EXT1: variants seen among roughly 807,000 people sequenced by gnomAD.
EXT1 encodes exostosin-1.
EXT1 carries 20 observed loss-of-function variants against 82.5 expected under a neutral mutation model. The ratio of observed to expected loss-of-function variants is 0.24; its 90% CI spans 0.17 to 0.35. The LOEUF is 0.35. Among genes scored for constraint, EXT1 ranks in the 10% least tolerant of loss-of-function variants. The pLI is 1.00. For synonymous variants in EXT1, 348 were observed against 350.8 expected, an observed-to-expected ratio of 0.99 and a Z score of 0.09; for missense variants, 757 against 936.5, an observed-to-expected ratio of 0.81 and a Z score of 2.50.
Position 118,039,557 on chromosome 8 carries a change from C to CA in EXT1, c.962+70527dup, listed in dbSNP as rs71307422. On this transcript the variant is annotated intron_variant, in intron 1 of 10. Coordinates refer to ENST00000378204, the MANE Select transcript of EXT1 (RefSeq NM_000127.3). ...CCTGGACAAGAGAGAGACTCCGTCACAAAAAAAAAAAAAAAAAAAAAAAAT... is the reference window on the plus strand; with the variant it reads ...CCTGGACAAGAGAGAGACTCCGTCACAAAAAAAAAAAAAAAAAAAAAAAAAT... 9.5e-3 allele frequency among the ~76,000 whole-genome samples: 774 copies of CA among 81,706 alleles called. 7 individuals carry two copies. Among genetic ancestry groups the CA allele is most frequent in the African/African-American group, 0.016 (369 of 22,794 alleles). The allele number at this position is 81,706 out of a possible 152,430, so 53.6% of individuals were successfully genotyped here. A position where few individuals can be genotyped will look rare whatever the true frequency, so the allele number is the denominator to read the frequency against.
intron 1 of EXT1, among the ~76,000 whole-genome samples, chr8:118,009,038 A>G (rs1815840527): frequency 6.6e-6 from 1 of 152,296 alleles, no homozygotes; most frequent in Non-Finnish European, 1.5e-5. Context: ...GAAAGTAGGT[A>G]TTAATGTGGA....
intron 1 of EXT1, among the ~76,000 whole-genome samples, chr8:117,924,198 C>T (rs1301895657): frequency 6.6e-6 from 1 of 152,210 alleles, no homozygotes; most frequent in African/African-American, 2.4e-5. Context: ...TCTGTCCCCA[C>T]TGTACTAGGG....
chr8:117,812,927 A>T lies in EXT1; in HGVS notation c.1667T>A (p.Ile556Asn). 6.2e-7 allele frequency: 1 copy of T among 1,613,906 alleles called. No homozygotes were observed. The highest frequency in any genetic ancestry group is 8.5e-7 in the Non-Finnish European group (1 of 1,179,960). ...MSSRFLPYDN[I>N]ITDAVLSLDE... Reference sequence around the variant, plus strand: ...AAGGCTGAGCACGGCGTCTGTGATGATGTTGTCGTAGGGCAGAAAACGGCT... The same window carrying T: ...AAGGCTGAGCACGGCGTCTGTGATGTTGTTGTCGTAGGGCAGAAAACGGCT... The change falls in exon 8 of 11, where the codon ATC becomes AAC. Residue 556 changes from isoleucine to asparagine, a missense_variant. Ile to Asn is a moderately radical substitution (Grantham distance 149, BLOSUM62 -3). Around this residue, in one of 4 missense-constraint regions of EXT1, gnomAD observed 207 missense variants for 224.2 expected, o/e 0.92. Coordinates refer to ENST00000378204, the MANE Select transcript of EXT1 (RefSeq NM_000127.3).
chr8:117,892,862 G>A lies in EXT1; in HGVS notation c.963-55661C>T, dbSNP rs569239360. On this transcript the variant is annotated intron_variant, in intron 1 of 10. Coordinates refer to ENST00000378204, the MANE Select transcript of EXT1 (RefSeq NM_000127.3). ...GAGAAAGAAAAGAGTCAAGGACAAC[G>A]GCAAGGTTTTGGCCTGAGGAACTCA... Among the ~76,000 whole-genome samples, 7 of 152,308 alleles carry A rather than the reference G, an allele frequency of 4.6e-5. No homozygotes were observed. In the South Asian group the frequency reaches 6.2e-4, roughly 14 times the overall value.
chr8:118,068,154 G>A (rs1216008631), intron 1 of EXT1, among the ~76,000 whole-genome samples: 2 of 152,222 alleles, frequency 1.3e-5, no homozygotes. Context: ...TGTGGCCACA[G>A]AGCTTACAGT....
chr8:117,917,782 G>C (rs1252413808), intron 1 of EXT1, among the ~76,000 whole-genome samples: 1 of 152,210 alleles, frequency 6.6e-6, no homozygotes, highest in Non-Finnish European at 1.5e-5. Flanking sequence ...CCATCCCAGA[G>C]GTAGCTGGTG....
At chr8:117,819,604 C>T in intron 6 of EXT1, 72 bp downstream of exon 6, 1 of 1,309,390 alleles carries the variant, frequency 7.6e-7, no homozygotes, top group Non-Finnish European at 1.1e-6. Flanking sequence ...CGGGGGATAA[C>T]AGGTAAGGAG....
chr8:118,022,620 G>T (rs1399407886), intron 1 of EXT1, among the ~76,000 whole-genome samples: 6 of 150,418 alleles, frequency 4.0e-5, no homozygotes, highest in Non-Finnish European at 5.9e-5. Context: ...TTACAGGCAT[G>T]AGCCACCACG....
At chr8:118,108,783 C>G (rs546286009) in intron 1 of EXT1, among the ~76,000 whole-genome samples, 4 of 152,160 alleles carry the variant, frequency 2.6e-5, no homozygotes, top group Admixed American at 2.6e-4. Flanking sequence ...GACAATCAAA[C>G]CTTTCATTTC....
Position 117,804,854 on chromosome 8 carries a change from G to C in EXT1, c.1923C>G (p.Ser641Arg). ...HYLYSHYLPA[S>R]LKNMVDQLAN... ...CCAATTGGTCCACCATGTTCTTCAG[G>C]CTGGCTGGCAGGTAATGGGAGTATA... Residue 641 changes from serine to arginine, a missense_variant, in exon 10 of 11, where the codon AGC (serine) becomes AGG (arginine). By Grantham distance (110) the Ser-to-Arg change is moderately radical. Around this residue, in one of 4 missense-constraint regions of EXT1, gnomAD observed 128 missense variants for 223.2 expected, o/e 0.57. Coordinates refer to ENST00000378204, the MANE Select transcript of EXT1 (RefSeq NM_000127.3). 1 of 1,614,064 alleles carries C rather than the reference G, an allele frequency of 6.2e-7. No homozygotes were observed. Among genetic ancestry groups the C allele is most frequent in the African/African-American group, 1.3e-5 (1 of 75,026 alleles).
At chr8:117,851,481 G>A (rs1223783356) in intron 1 of EXT1, among the ~76,000 whole-genome samples, 1 of 150,948 alleles carries the variant, frequency 6.6e-6, no homozygotes, top group Non-Finnish European at 1.5e-5. Flanking sequence ...ATAACTACAT[G>A]GGGGTTTTAG....
chr8:117,941,841 G>C (rs1488962049), intron 1 of EXT1, among the ~76,000 whole-genome samples: 1 of 152,196 alleles, frequency 6.6e-6, no homozygotes. Flanking sequence ...AAGACCTACA[G>C]GCAAAACGTA....
At chr8:117,968,027 A>G (rs1191972003) in intron 1 of EXT1, among the ~76,000 whole-genome samples, 1 of 152,268 alleles carries the variant, frequency 6.6e-6, no homozygotes, top group Non-Finnish European at 1.5e-5. Context: ...AACTTGCTTC[A>G]CTATCAACCA....
At chr8:118,026,259 G>A (rs1321846382) in intron 1 of EXT1, among the ~76,000 whole-genome samples, 1 of 152,170 alleles carries the variant, frequency 6.6e-6, no homozygotes, top group East Asian at 1.9e-4. Context: ...TGGCTAAGGT[G>A]AGGGCTAATG....
chr8:117,819,808 G>A lies in EXT1; in HGVS notation c.1418-14C>T, dbSNP rs1363980738. 6.2e-7 allele frequency: 1 copy of A among 1,607,610 alleles called. No individual in the cohort carries two copies. Among genetic ancestry groups the A allele is most frequent in the Admixed American group, 1.7e-5 (1 of 59,992 alleles). On this transcript the variant is annotated splice_polypyrimidine_tract_variant and intron_variant, in intron 5 of 10. Coordinates refer to ENST00000378204, the MANE Select transcript of EXT1 (RefSeq NM_000127.3). ...GGGGCTTTAAACCTGAAATAAAAAG[G>A]AGAGTAGAGCCTAATGAAGCGCTGG...
At chr8:117,871,525 G>T (rs1158644958) in intron 1 of EXT1, among the ~76,000 whole-genome samples, 1 of 152,176 alleles carries the variant, frequency 6.6e-6, no homozygotes, top group Non-Finnish European at 1.5e-5. Flanking sequence ...AGATTTTCTT[G>T]GGTGTTAAAT....
intron 8 of EXT1, among the ~76,000 whole-genome samples, chr8:117,809,242 T>TATATATATATAAA (rs796605483): frequency 1.4e-5 from 2 of 141,218 alleles, no homozygotes; most frequent in South Asian, 2.2e-4. Flanking sequence ...TATATATATA[T>TATATATATATAAA]ATTATGTTCT....
At chr8:118,090,428 A>G (rs1007714599) in intron 1 of EXT1, among the ~76,000 whole-genome samples, 4 of 151,858 alleles carry the variant, frequency 2.6e-5, no homozygotes, top group Non-Finnish European at 4.4e-5. Context: ...TTGAAAAAAA[A>G]AGGCAAAATT....
intron 1 of EXT1, among the ~76,000 whole-genome samples, chr8:117,838,266 T>C (rs1457695085): frequency 6.6e-6 from 1 of 152,206 alleles, no homozygotes; most frequent in Non-Finnish European, 1.5e-5. Flanking sequence ...TCACCACCAC[T>C]TTCTGACTCT....
Sources: allele counts gnomAD v4.1 joint callset (sites outside exome capture counted in the v4.1 genomes callset), GRCh38; gene constraint gnomAD v4.1.1; regional missense constraint gnomAD v4.1.1; transcripts MANE v1.5; gene names NCBI Gene and HGNC (gene_info 2026-07-23, HGNC 2026-07-21).